The following UGT1A10 variants were observed in gnomAD, a reference collection of about 807,000 sequenced individuals.
The protein encoded by UGT1A10 is UDP glucuronosyltransferase family 1 member A10.
A neutral mutation model predicts 45.8 loss-of-function variants in UGT1A10; 49 were observed. That is an observed-to-expected ratio of 1.07 (90% CI 0.85 to 1.36). The LOEUF is 1.36. Among genes scored for constraint, UGT1A10 ranks in the 40% most tolerant of loss-of-function variants. The pLI is 0.00. For synonymous variants in UGT1A10, 284 were observed against 249.7 expected (o/e 1.14, Z -1.29); for missense variants, 745 against 668.6 (o/e 1.11, Z -1.26).
At position 233,672,232 on chromosome 2, in the gene UGT1A10, G is replaced by A. The variant is rs2074216614; in HGVS notation, c.855+34855G>A. ...GGCTTTTGCCCATGCTCAATGGAAA[G>A]CACAAGTACGAAGTATATATTCTCT... On this transcript the variant is annotated intron_variant, in intron 1 of 4. Transcript: ENST00000344644. The A allele has an allele frequency of 2.5e-6, 4 of 1,613,864 alleles. No homozygotes were observed. The highest frequency in any genetic ancestry group is 2.7e-5 in the African/African-American group (2 of 74,922).
At chr2:233,691,212 C>T (rs1158477885) in intron 1 of UGT1A10, 4 of 985,482 alleles carry the variant, frequency 4.1e-6, no homozygotes, top group Non-Finnish European at 4.8e-6. Context: ...GTTCCCTTTG[C>T]AACCTTCCTG....
At chr2:233,743,600 C>A in intron 1 of UGT1A10, 2 of 1,367,332 alleles carry the variant, frequency 1.5e-6, no homozygotes, top group Non-Finnish European at 2.0e-6. Flanking sequence ...TGGGTCCTGG[C>A]CGCCGAAGAA....
chr2:233,647,902 C>T lies in UGT1A10; in HGVS notation c.855+10525C>T, dbSNP rs2073643214. 3 of 1,560,658 alleles carry T rather than the reference C, an allele frequency of 1.9e-6. No individual in the cohort carries two copies. In the East Asian group the frequency reaches 6.8e-5, roughly 35 times the overall value. ...TCATTGATTTCTACACTGAAGTTAG[C>T]CTCCAGGGAAGGTAGATCACTCACT... is the stretch of plus-strand genomic sequence containing the variant. On this transcript the variant is annotated intron_variant, in intron 1 of 4. Transcript: ENST00000344644.
At chr2:233,647,618 C>A (rs948542291) in intron 1 of UGT1A10, among the ~76,000 whole-genome samples, 2 of 152,182 alleles carry the variant, frequency 1.3e-5, no homozygotes, top group Non-Finnish European at 2.9e-5. Context: ...TAAAGTCTGA[C>A]AGCTTGTGTC....
intron 1 of UGT1A10, among the ~76,000 whole-genome samples, chr2:233,746,438 T>C (rs1187941624): frequency 1.3e-5 from 2 of 151,694 alleles, no homozygotes; most frequent in African/African-American, 4.9e-5. Context: ...TGTCTTCAGC[T>C]TAAAAAGAAA....
intron 1 of UGT1A10, among the ~76,000 whole-genome samples, chr2:233,656,896 C>T (rs1179882204): frequency 6.6e-6 from 1 of 151,824 alleles, no homozygotes; most frequent in Non-Finnish European, 1.5e-5. Flanking sequence ...GCACATGCTT[C>T]ATGTGGCATC....
chr2:233,693,389 C>T, intron 1 of UGT1A10: 1 of 1,614,162 alleles, frequency 6.2e-7, no homozygotes, highest in Non-Finnish European at 8.5e-7. Flanking sequence ...CTGCCAGAGC[C>T]TCCTGCAGGA....
rs539293656 is a variant in UGT1A10, at chr2:233,691,687, C to A, written c.855+54310C>A. 62 of 954,204 alleles carry A rather than the reference C, an allele frequency of 6.5e-5. No homozygotes were observed. In the East Asian group the frequency reaches 2.0e-3, roughly 31 times the overall value. The allele number at this position is 954,204 out of a possible 1,614,324, so 59.1% of individuals were successfully genotyped here. A position where few individuals can be genotyped will look rare whatever the true frequency, so the allele number is the denominator to read the frequency against. On this transcript the variant is annotated intron_variant, in intron 1 of 4. Coordinates refer to ENST00000344644, the MANE Select transcript of UGT1A10 (RefSeq NM_019075.4). ...TGGGCCTCAGTTGAGAAACCTGAAG[C>A]TCAGGAGAGGAGTCACTCCCCTGGC... is the stretch of plus-strand genomic sequence containing the variant.
intron 1 of UGT1A10, among the ~76,000 whole-genome samples, chr2:233,645,206 C>G (rs1054082372): frequency 1.3e-5 from 2 of 152,188 alleles, no homozygotes; most frequent in African/African-American, 2.4e-5. Context: ...GACTTATTCA[C>G]TATCAAGAGA....
intron 1 of UGT1A10, among the ~76,000 whole-genome samples, chr2:233,763,620 C>T (rs1442912826): frequency 6.6e-6 from 1 of 152,168 alleles, no homozygotes; most frequent in African/African-American, 2.4e-5. Flanking sequence ...ACTACCATTC[C>T]TCTTGTGTTG....
chr2:233,639,374 T>A (rs1203056482), intron 1 of UGT1A10, among the ~76,000 whole-genome samples: 1 of 152,202 alleles, frequency 6.6e-6, no homozygotes, highest in African/African-American at 2.4e-5. Flanking sequence ...GGGCTTTCTG[T>A]CAAAGAGCCT....
At chr2:233,736,815 C>T (rs924470141) in intron 1 of UGT1A10, among the ~76,000 whole-genome samples, 1 of 152,206 alleles carries the variant, frequency 6.6e-6, no homozygotes, top group African/African-American at 2.4e-5. Context: ...GAGGTCCACT[C>T]CAGATGCTCT....
chr2:233,769,664 G>A lies in UGT1A10; in HGVS notation c.1295+1225G>A. ...CTGATGACTGACTTCCCACCTTTGAGGTGCTAATGTGTGTGTGGTGGCACT... is the reference window on the plus strand; with the variant it reads ...CTGATGACTGACTTCCCACCTTTGAAGTGCTAATGTGTGTGTGGTGGCACT... On this transcript the variant is annotated intron_variant, in intron 4 of 4. Coordinates refer to ENST00000344644, the MANE Select transcript of UGT1A10 (RefSeq NM_019075.4). This position sits in a 1 kb window ranked among gnomAD's most constrained non-coding sequence, Gnocchi z 4.4. The A allele has an allele frequency of 6.3e-7, 1 of 1,596,206 alleles. No homozygotes were observed. Among genetic ancestry groups the A allele is most frequent in the African/African-American group, 1.3e-5 (1 of 74,742 alleles).
intron 1 of UGT1A10, chr2:233,692,726 C>A: frequency 1.1e-6 from 1 of 900,732 alleles, no homozygotes; most frequent in Non-Finnish European, 1.5e-6. Flanking sequence ...GTTGCTATAA[C>A]TTTTCAGAGA....
At chr2:233,712,758 C>T (rs4556969) in intron 1 of UGT1A10, among the ~76,000 whole-genome samples, 15,431 of 152,146 alleles carry the variant, frequency 0.1, 905 homozygotes, top group East Asian at 0.2. Context: ...CCAGAGCGAG[C>T]GCAAGGTCAG....
intron 1 of UGT1A10, among the ~76,000 whole-genome samples, chr2:233,724,264 C>G (rs1250827727): frequency 2.6e-5 from 3 of 116,548 alleles, no homozygotes; most frequent in Non-Finnish European, 3.6e-5. Context: ...ACCTCCCGGA[C>G]GGGGCGGCTG....
intron 1 of UGT1A10, among the ~76,000 whole-genome samples, chr2:233,724,315 G>A (rs1179998085): frequency 6.7e-6 from 1 of 148,800 alleles, no homozygotes; most frequent in African/African-American, 2.5e-5. Flanking sequence ...CTCCCGGACG[G>A]GGCGGCTGGC....
At chr2:233,714,115 C>T (rs575148035) in intron 1 of UGT1A10, among the ~76,000 whole-genome samples, 6 of 152,210 alleles carry the variant, frequency 3.9e-5, no homozygotes, top group African/African-American at 1.4e-4. Context: ...GTGTGACTCA[C>T]GGAGACTGTT....
intron 1 of UGT1A10, among the ~76,000 whole-genome samples, chr2:233,727,533 G>A (rs532187681): frequency 2.6e-5 from 4 of 152,154 alleles, no homozygotes; most frequent in East Asian, 1.9e-4. Context: ...ACTACCAGGC[G>A]TGTTCCACCC....
Sources: allele counts gnomAD v4.1 joint callset (sites outside exome capture counted in the v4.1 genomes callset), GRCh38; gene constraint gnomAD v4.1.1; non-coding constraint Gnocchi (gnomAD v3.1); transcripts MANE v1.5; gene names NCBI Gene and HGNC (gene_info 2026-07-23, HGNC 2026-07-21).